Variants in ABCC11 observed in about 807,000 individuals in gnomAD.
The protein encoded by ABCC11 is ATP-binding cassette sub-family C member 11.
ABCC11 carries 135 observed loss-of-function variants against 149.3 expected under a neutral mutation model. The ratio of observed to expected loss-of-function variants is 0.90; its 90% CI spans 0.79 to 1.04. The LOEUF is 1.04. Among genes scored for constraint, ABCC11 ranks in the 50% least tolerant of loss-of-function variants. The probability of loss-of-function intolerance (pLI) is 0.00; values close to 1 mark genes in which losing one functional copy is unlikely to be tolerated. For missense variants in ABCC11, 1,680 were observed against 1,722.1 expected, an observed-to-expected ratio of 0.98 and a Z score of 0.43; for synonymous variants, 665 against 671.4, an observed-to-expected ratio of 0.99 and a Z score of 0.15.
In ABCC11 at chr16:48,187,283, C is replaced by T. The variant is rs201181092; in HGVS notation, c.2851G>A (p.Val951Ile). 1.4e-5 allele frequency: 23 copies of T among 1,614,006 alleles called. No individual in the cohort carries two copies. The highest frequency in any genetic ancestry group is 5.5e-5 in the South Asian group (5 of 91,086). The change falls in exon 21 of 30, where the codon GTC becomes ATC. Residue 951 changes from valine (V) to isoleucine (I), a missense_variant. Val to Ile is a conservative substitution (Grantham distance 29). Transcript: ENST00000356608. ...GACAGCACACTGACAATCAACAGGACGGCGATCACCATTAAGGACAGGACC... is the reference window on the plus strand; with the variant it reads ...GACAGCACACTGACAATCAACAGGATGGCGATCACCATTAAGGACAGGACC... ...FLVLSLMVIAVLLIVSVLSPY... is the reference protein window; with the variant it reads ...FLVLSLMVIAILLIVSVLSPY...
chr16:48,238,036 T>C (rs1457429973), intron 1 of ABCC11, among the ~76,000 whole-genome samples: 1 of 152,258 alleles, frequency 6.6e-6, no homozygotes, highest in Non-Finnish European at 1.5e-5. Context: ...GCAGAAATCT[T>C]GTCTGTCTGA....
intron 27 of ABCC11, 102 bp from the exon 28 acceptor site, chr16:48,170,320 C>G (rs1161039999): frequency 1.2e-6 from 1 of 865,038 alleles, no homozygotes. Context: ...CACTGCCCTC[C>G]TCTCTCTACG....
rs1026573005 is a variant in ABCC11 at position 48,167,500 on chromosome 16, C to T, written c.4052G>A (p.Gly1351Glu). 1 of 1,613,976 alleles carries T rather than the reference C, an allele frequency of 6.2e-7. No individual in the cohort carries two copies. The highest frequency in any genetic ancestry group is 1.3e-5 in the African/African-American group (1 of 74,928). ...NCDHILVMGN[G>E]KVVEFDRPEV... ...GCCCAAGGACGCAGCCTTCACCTTC[C>T]CATTGCCCATAACCAGGATGTGGTC... The change falls in exon 29 of 30, where the codon GGG becomes GAG. Residue 1351 changes from glycine (G) to glutamate (E), a missense_variant. Coordinates refer to ENST00000356608, the MANE Select transcript of ABCC11 (RefSeq NM_001370497.1).
chr16:48,170,058 T>C (rs114778367), intron 28 of ABCC11, 47 bp downstream of exon 28: 1 of 1,532,302 alleles, frequency 6.5e-7, no homozygotes, highest in East Asian at 2.3e-5. Flanking sequence ...TCCCTCATCA[T>C]GCGTAGTCTG....
At chr16:48,202,618 A>G (rs1253794458) in intron 14 of ABCC11, among the ~76,000 whole-genome samples, 2 of 146,042 alleles carry the variant, frequency 1.4e-5, no homozygotes. Context: ...CTCCCCTTCA[A>G]AAAAAAAAAA....
chr16:48,171,186 T>C (rs966109054), intron 26 of ABCC11, among the ~76,000 whole-genome samples: 1 of 152,108 alleles, frequency 6.6e-6, no homozygotes, highest in Non-Finnish European at 1.5e-5. Flanking sequence ...TCCTCCCCAG[T>C]CCCCCAGCCC....
intron 12 of ABCC11, among the ~76,000 whole-genome samples, chr16:48,207,777 C>A (rs989554280): frequency 6.6e-6 from 1 of 152,082 alleles, no homozygotes; most frequent in African/African-American, 2.4e-5. Context: ...ATCCACATGG[C>A]AGCAGACCTC....
intron 11 of ABCC11, among the ~76,000 whole-genome samples, chr16:48,209,160 C>T (rs1357423020): frequency 1.3e-5 from 2 of 152,084 alleles, no homozygotes; most frequent in African/African-American, 2.4e-5. Context: ...GTCATTGCTG[C>T]CCAAGAGCTG....
At chr16:48,171,073 G>T in intron 26 of ABCC11, 106 bp from the exon 27 acceptor site, 2 of 1,023,202 alleles carry the variant, frequency 2.0e-6, no homozygotes, top group Non-Finnish European at 3.0e-6. Flanking sequence ...GGATTATGGG[G>T]TTTAGGGAAA....
chr16:48,197,381 G>A (rs1468978153), intron 17 of ABCC11, among the ~76,000 whole-genome samples: 1 of 152,132 alleles, frequency 6.6e-6, no homozygotes, highest in African/African-American at 2.4e-5. Context: ...TGTGTAGGGG[G>A]CTTCCCTATA....
At chr16:48,201,232 T>G (rs919644281) in intron 14 of ABCC11, among the ~76,000 whole-genome samples, 1 of 152,148 alleles carries the variant, frequency 6.6e-6, no homozygotes, top group South Asian at 2.1e-4. Context: ...ATAAAATAAG[T>G]CACTTATTCC....
chr16:48,197,949 G>A (rs770912642), intron 17 of ABCC11, 22 bp downstream of exon 17: 4 of 1,611,838 alleles, frequency 2.5e-6, no homozygotes, highest in South Asian at 2.2e-5. Context: ...AGACATTCTT[G>A]TCCTATCTCC....
intron 2 of ABCC11, 88 bp from the exon 3 acceptor site, chr16:48,230,661 T>C: frequency 1.5e-6 from 2 of 1,352,124 alleles, no homozygotes; most frequent in Non-Finnish European, 1.9e-6. Flanking sequence ...CATGGAGAAA[T>C]GGATTTTTCC....
chr16:48,187,444 A>C lies in ABCC11; in HGVS notation c.2707-17T>G, dbSNP rs752082488. On this transcript the variant is annotated splice_polypyrimidine_tract_variant and intron_variant, in intron 20 of 29. Transcript: ENST00000356608. Reference sequence around the variant, plus strand: ...GCGGAAAACCTGCAGGGACAAAATCAACGCAGACCATGAGAGAAGCTGCAG... The same window carrying C: ...GCGGAAAACCTGCAGGGACAAAATCCACGCAGACCATGAGAGAAGCTGCAG... 2 of 1,586,226 alleles carry C rather than the reference A, an allele frequency of 1.3e-6. No individual in the cohort carries two copies. Among genetic ancestry groups the C allele is most frequent in the Non-Finnish European group, 1.7e-6 (2 of 1,161,998 alleles).
In ABCC11 at chr16:48,167,518, A is replaced by G. The variant is rs752760386; in HGVS notation, c.4034T>C (p.Ile1345Thr). 16 of 1,614,150 alleles carry G rather than the reference A, an allele frequency of 9.9e-6. No individual in the cohort carries two copies. The highest frequency in any genetic ancestry group is 1.4e-5 in the Non-Finnish European group (16 of 1,180,022). Residue 1345 changes from isoleucine to threonine, a missense_variant, in exon 29 of 30, where the codon ATC (isoleucine) becomes ACC (threonine). Physicochemically the swap from Ile to Thr is moderately conservative, Grantham distance 89. Transcript: ENST00000356608. ...RVTTVLNCDHILVMGNGKVVE... is the reference protein window; with the variant it reads ...RVTTVLNCDHTLVMGNGKVVE... ...CACCTTCCCATTGCCCATAACCAGG[A>G]TGTGGTCACAGTTCAGCACAGTGGT...
chr16:48,184,675 G>C, intron 22 of ABCC11, 49 bp from the exon 23 acceptor site: 1 of 1,573,016 alleles, frequency 6.4e-7, no homozygotes, highest in Non-Finnish European at 8.7e-7. Flanking sequence ...CTGACCTAGG[G>C]TCTCCCCGGG....
At chr16:48,213,013 C>T (rs748042192) in intron 10 of ABCC11, among the ~76,000 whole-genome samples, 5 of 152,212 alleles carry the variant, frequency 3.3e-5, no homozygotes, top group African/African-American at 9.6e-5. Context: ...TCAACTCCAG[C>T]GGCTTGTGGC....
intron 20 of ABCC11, among the ~76,000 whole-genome samples, chr16:48,190,178 G>A (rs114307511): frequency 2.0e-5 from 3 of 152,140 alleles, no homozygotes; most frequent in African/African-American, 7.2e-5. Context: ...CTACGACAAT[G>A]GCCTGTTTTC....
At chr16:48,196,446 T>G (rs2150802572) in intron 17 of ABCC11, 125 bp from the exon 18 acceptor site, 1 of 868,086 alleles carries the variant, frequency 1.2e-6, no homozygotes, top group East Asian at 2.7e-5. Context: ...CACCTATGTC[T>G]AAGGTTTTTC....
Sources: allele counts gnomAD v4.1 joint callset (sites outside exome capture counted in the v4.1 genomes callset), GRCh38; gene constraint gnomAD v4.1.1; transcripts MANE v1.5; gene names NCBI Gene and HGNC (gene_info 2026-07-23, HGNC 2026-07-21).